Variants in GRIP2 observed in about 807,000 individuals in gnomAD.
GRIP2 encodes the protein glutamate receptor-interacting protein 2.
GRIP2 carries 58 observed loss-of-function variants against 108.3 expected under a neutral mutation model. The observed-to-expected ratio is 0.54, with a 90% CI of 0.43 to 0.67. The LOEUF (loss-of-function observed/expected upper bound fraction) is 0.67. Ranked by LOEUF, GRIP2 falls within the 30% of genes least tolerant of loss-of-function variation. The pLI, the probability that GRIP2 is intolerant of heterozygous loss-of-function variation, is 0.00. For missense variants in GRIP2, 1,278 were observed against 1,430.6 expected (o/e 0.89, Z 1.72); for synonymous variants, 586 against 598.2 (o/e 0.98, Z 0.30).
At position 14,532,339 on chromosome 3, in the gene GRIP2, G is replaced by A. The variant is rs539767550; in HGVS notation, c.41-6408C>T. 1.5e-4 allele frequency among the ~76,000 whole-genome samples: 23 copies of A among 152,074 alleles called. No homozygotes were observed. In the East Asian group the frequency reaches 2.5e-3, roughly 17 times the overall value. Reference sequence around the variant, plus strand: ...CTGGGTATGAGTGGCCTGAGTCAAGGTCAGGACTCAGTCTGGGCCAGCGTC... The same window carrying A: ...CTGGGTATGAGTGGCCTGAGTCAAGATCAGGACTCAGTCTGGGCCAGCGTC... On this transcript the variant is annotated intron_variant, in intron 1 of 23. Coordinates refer to ENST00000621039, the MANE Select transcript of GRIP2 (RefSeq NM_001080423.4).
chr3:14,590,237 T>G, the GRIP2 span, among the ~76,000 whole-genome samples: 1 of 152,208 alleles, frequency 6.6e-6, no homozygotes, highest in Admixed American at 6.5e-5. Flanking sequence ...TTTCCTCTTC[T>G]AATCGCTGCC....
At chr3:14,594,378 G>A in the GRIP2 span, among the ~76,000 whole-genome samples, 112 of 152,336 alleles carry the variant, frequency 7.4e-4, no homozygotes, top group African/African-American at 2.5e-3. Flanking sequence ...CTCGGGGCAC[G>A]TGTGTAGGGA....
the GRIP2 span, among the ~76,000 whole-genome samples, chr3:14,595,736 G>T: frequency 6.6e-6 from 1 of 152,360 alleles, no homozygotes; most frequent in South Asian, 2.1e-4. Context: ...GGCTCCGCAG[G>T]TTGCCCCTTG....
intron 11 of GRIP2, among the ~76,000 whole-genome samples, chr3:14,515,494 A>G (rs922292593): frequency 4.6e-5 from 7 of 152,056 alleles, no homozygotes; most frequent in African/African-American, 1.7e-4. Flanking sequence ...AAAGTCATTT[A>G]TTATTTATCA....
At chr3:14,562,360 G>A in the GRIP2 span, among the ~76,000 whole-genome samples, 3 of 152,152 alleles carry the variant, frequency 2.0e-5, no homozygotes, top group Admixed American at 6.5e-5. Flanking sequence ...GTCTCCCACC[G>A]GCCAAATCTG....
chr3:14,523,333 T>C, intron 5 of GRIP2: 1 of 572,532 alleles, frequency 1.7e-6, no homozygotes, highest in Non-Finnish European at 3.1e-6. Context: ...ATTTCCCCTT[T>C]TCCCTGATCT....
rs143935537 is a variant in GRIP2, at chr3:14,511,261, G to A, written c.1837C>T (p.Arg613Cys). The A allele has an allele frequency of 1.6e-4, 263 of 1,613,976 alleles. 1 individual carries two copies. The highest frequency in any genetic ancestry group is 4.6e-4 in the South Asian group (42 of 91,084). ...TCCTCCATGGGGCAGTTGTCCAGGC[G>A]GATATTGTCAATGGCCAGTAGCTTG... ...GDKLLAIDNI[R>C]LDNCPMEDAV... is the part of the protein sequence containing the mutation. Residue 613 changes from arginine (R) to cysteine (C), a missense_variant, in exon 16 of 24, where the codon CGC (arginine) becomes TGC (cysteine). Physicochemically the swap from Arg to Cys is radical, Grantham distance 180. Transcript: ENST00000621039. The surrounding 1 kb of genome is among the most constrained non-coding windows in gnomAD (Gnocchi z 4.1).
rs79694631 is a variant in GRIP2 at position 14,521,930 on chromosome 3, G to T, written c.567-143C>A. ...GAAGGGGAGGAGGGGACGGGTGAAG[G>T]GGCGCATGAGTGAGTGAAGGAATGA... On this transcript the variant is annotated intron_variant, in intron 6 of 23. Coordinates refer to ENST00000621039, the MANE Select transcript of GRIP2 (RefSeq NM_001080423.4). This position sits in a 1 kb window ranked among gnomAD's most constrained non-coding sequence, Gnocchi z 5.1. 8.0e-3 allele frequency: 5,838 copies of T among 727,236 alleles called. 250 individuals carry two copies. The African/African-American group carries it at 0.095, about 12-fold the overall frequency. 45.0% of individuals were successfully genotyped at this position (727,236 alleles called of 1,614,324 possible). A position where few individuals can be genotyped will look rare whatever the true frequency, so the allele number is the denominator to read the frequency against.
chr3:14,542,126 CTT>C (rs1694985752), upstream of GRIP2: 5 of 1,129,698 alleles, frequency 4.4e-6, no homozygotes, highest in Admixed American at 1.5e-4. Flanking sequence ...CTTTCTCCCT[CTT>C]TCTCTTTCTC....
At chr3:14,499,002 T>C (rs971865404) in intron 21 of GRIP2, among the ~76,000 whole-genome samples, 9 of 151,870 alleles carry the variant, frequency 5.9e-5, no homozygotes, top group Non-Finnish European at 1.3e-4. Flanking sequence ...AGAAAGCGAG[T>C]GCCATCTCAT....
rs369309014 is a variant in GRIP2 at position 14,514,401 on chromosome 3, C to T, written c.1384G>A (p.Asp462Asn). Reference sequence around the variant, plus strand: ...TGGAGGCCAAAGCCGCTGAGGGGGTCTCCACAGAGCACGACCTCCGTGGTC... The same window carrying T: ...TGGAGGCCAAAGCCGCTGAGGGGGTTTCCACAGAGCACGACCTCCGTGGTC... ...TETTEVVLCGDPLSGFGLQLQ... is the reference protein window; with the variant it reads ...TETTEVVLCGNPLSGFGLQLQ... The change falls in exon 12 of 24, where the codon GAC becomes AAC. Residue 462 changes from aspartate (D) to asparagine (N), a missense_variant. Physicochemically the swap from Asp to Asn is conservative, Grantham distance 23. Coordinates refer to ENST00000621039, the MANE Select transcript of GRIP2 (RefSeq NM_001080423.4). 1 of 1,574,442 alleles carries T rather than the reference C, an allele frequency of 6.4e-7. No homozygotes were observed. The highest frequency in any genetic ancestry group is 1.9e-5 in the Admixed American group (1 of 54,048).
In GRIP2 at chr3:14,501,540, AG is replaced by A. The variant is rs1693764301; in HGVS notation, c.2679+2025del. On this transcript the variant is annotated intron_variant, in intron 21 of 23. Transcript: ENST00000621039. ...GAAATCTGAATATGGTCTTGGTATT[AG>A]GAAAGATTAAAATATATCGAAATGG... Among the ~76,000 whole-genome samples, 5 of 152,312 alleles carry A rather than the reference AG, an allele frequency of 3.3e-5. No homozygotes were observed. In the South Asian group the frequency reaches 1.0e-3, roughly 32 times the overall value.
chr3:14,521,894 G>T lies in GRIP2; in HGVS notation c.567-107C>A. 1 of 1,080,384 alleles carries T rather than the reference G, an allele frequency of 9.3e-7. No homozygotes were observed. Among genetic ancestry groups the T allele is most frequent in the Non-Finnish European group, 1.3e-6 (1 of 782,002 alleles). The allele number at this position is 1,080,384 out of a possible 1,614,324, so 66.9% of individuals were successfully genotyped here. On this transcript the variant is annotated intron_variant, in intron 6 of 23. Coordinates refer to ENST00000621039, the MANE Select transcript of GRIP2 (RefSeq NM_001080423.4). This position sits in a 1 kb window ranked among gnomAD's most constrained non-coding sequence, Gnocchi z 5.1. ...CATGGAGGATGAAGAAGCAGGGAAT[G>T]GGTGGGGGAGGAAGGGGAGGAGGGG...
the GRIP2 span, among the ~76,000 whole-genome samples, chr3:14,599,298 G>A: frequency 6.6e-6 from 1 of 152,122 alleles, no homozygotes; most frequent in Non-Finnish European, 1.5e-5. Context: ...ACATTCCAAG[G>A]GTCTATTAGA....
At chr3:14,503,482 C>T in intron 21 of GRIP2, 84 bp downstream of exon 21, 1 of 917,102 alleles carries the variant, frequency 1.1e-6, no homozygotes, top group Non-Finnish European at 1.7e-6. Context: ...ATGATGCCAT[C>T]AGCATGCCTT....
intron 13 of GRIP2, 105 bp downstream of exon 13, chr3:14,513,560 C>T (rs1694159305): frequency 7.1e-7 from 1 of 1,399,592 alleles, no homozygotes; most frequent in East Asian, 2.5e-5. Flanking sequence ...GGGCACTGGG[C>T]ACAGAGGGGG....
At chr3:14,555,421 T>C (rs1208778118) in intron 1 of GRIP2, among the ~76,000 whole-genome samples, 1 of 151,644 alleles carries the variant, frequency 6.6e-6, no homozygotes, top group Non-Finnish European at 1.5e-5. Flanking sequence ...CACAGGAAAG[T>C]CCAGAGAGAC....
chr3:14,556,627 C>T (rs1286902416), upstream of GRIP2, among the ~76,000 whole-genome samples: 1 of 152,208 alleles, frequency 6.6e-6, no homozygotes, highest in Non-Finnish European at 1.5e-5. Context: ...CCTCTTAACT[C>T]CTAACCCCTA....
At chr3:14,548,355 G>T (rs952571244) in intron 1 of GRIP2, among the ~76,000 whole-genome samples, 8 of 152,192 alleles carry the variant, frequency 5.3e-5, no homozygotes, top group Admixed American at 4.6e-4. Flanking sequence ...CTCTCCGGAG[G>T]CCCCTCCGGT....
Sources: gnomAD v4.1 joint callset for allele counts (sites outside exome capture counted in the v4.1 genomes callset) on GRCh38, gnomAD v4.1.1 for gene constraint, Gnocchi (gnomAD v3.1) non-coding constraint, MANE v1.5 for transcripts, NCBI Gene and HGNC (gene_info 2026-07-23, HGNC 2026-07-21) for gene names.